The following SEZ6 variants were observed in gnomAD, a reference collection of about 807,000 sequenced individuals.
SEZ6 encodes the protein seizure related 6 homolog, also known as seizure protein 6 homolog.
SEZ6 carries 53 observed loss-of-function variants against 101.0 expected under a neutral mutation model. That is an observed-to-expected ratio of 0.52 (90% CI 0.42 to 0.66). The LOEUF (loss-of-function observed/expected upper bound fraction) is 0.66. Among genes scored for constraint, SEZ6 ranks in the 30% least tolerant of loss-of-function variants. The probability of loss-of-function intolerance (pLI) is 0.00; values close to 1 mark genes in which losing one functional copy is unlikely to be tolerated. For missense variants in SEZ6, 1,102 were observed against 1,289.4 expected, an observed-to-expected ratio of 0.85 and a Z score of 2.23; for synonymous variants, 488 against 512.2, an observed-to-expected ratio of 0.95 and a Z score of 0.64.
intron 3 of SEZ6, among the ~76,000 whole-genome samples, chr17:28,970,916 G>C (rs765474156): frequency 6.6e-6 from 1 of 152,190 alleles, no homozygotes; most frequent in Non-Finnish European, 1.5e-5. Context: ...CATGTCAATC[G>C]TGATTCTCTC....
intron 1 of SEZ6, among the ~76,000 whole-genome samples, chr17:28,991,274 G>A (rs1389107760): frequency 6.6e-6 from 1 of 152,068 alleles, no homozygotes; most frequent in Non-Finnish European, 1.5e-5. Flanking sequence ...GCACGATCTT[G>A]GCTCACTGCA....
chr17:29,005,147 GTC>G lies in SEZ6; in HGVS notation c.55+666_55+667del, dbSNP rs1419893281. 2.6e-5 allele frequency among the ~76,000 whole-genome samples: 4 copies of G among 151,652 alleles called. No individual in the cohort carries two copies. The highest frequency in any genetic ancestry group is 4.4e-5 in the Non-Finnish European group (3 of 67,910). ...AGGAAAGGACTTTGGGGAGGACAGAGTCTCTATCCCAGGATCTCCGCTGCTGC... is the reference window on the plus strand; with the variant it reads ...AGGAAAGGACTTTGGGGAGGACAGAGTCTATCCCAGGATCTCCGCTGCTGC... On this transcript the variant is annotated intron_variant, in intron 1 of 16. Transcript: ENST00000317338. This position sits in a 1 kb window ranked among gnomAD's most constrained non-coding sequence, Gnocchi z 4.8.
Position 28,959,413 on chromosome 17 carries a change from C to T in SEZ6, c.1831G>A (p.Glu611Lys). ...AGVVLSPNWP[E>K]PYGRGQDCIW... ...CAATCCTGCCCACGACCGTAGGGCT[C>T]TGGCCAGTTGGGAGAGAGTACCACG... The change falls in exon 9 of 17, where the codon GAG (glutamate) becomes AAG (lysine). Residue 611 changes from glutamate (E) to lysine (K), a missense_variant. Glu to Lys is a moderately conservative substitution (Grantham distance 56). Transcript: ENST00000317338. The surrounding 1 kb of genome is among the most constrained non-coding windows in gnomAD (Gnocchi z 4.4). 1.2e-6 allele frequency: 2 copies of T among 1,613,912 alleles called. No homozygotes were observed. Among genetic ancestry groups the T allele is most frequent in the Non-Finnish European group, 1.7e-6 (2 of 1,179,870 alleles).
chr17:28,983,158 T>A (rs531937239), intron 1 of SEZ6, among the ~76,000 whole-genome samples: 2 of 152,372 alleles, frequency 1.3e-5, no homozygotes, highest in African/African-American at 4.8e-5. Flanking sequence ...CTGTGTGCCC[T>A]CAGGCAAATA....
intron 1 of SEZ6, among the ~76,000 whole-genome samples, chr17:28,999,800 G>C (rs1331889135): frequency 6.6e-6 from 1 of 152,138 alleles, no homozygotes; most frequent in East Asian, 1.9e-4. Flanking sequence ...AGCCCTCAAA[G>C]GACTGAAGAG....
At chr17:28,989,333 A>G (rs1036896089) in intron 1 of SEZ6, among the ~76,000 whole-genome samples, 2 of 152,176 alleles carry the variant, frequency 1.3e-5, no homozygotes, top group African/African-American at 4.8e-5. Flanking sequence ...GCTTTATCAG[A>G]ATTAATCCCT....
At chr17:28,975,929 G>A (rs974619936) in intron 3 of SEZ6, among the ~76,000 whole-genome samples, 2 of 152,234 alleles carry the variant, frequency 1.3e-5, no homozygotes, top group African/African-American at 2.4e-5. Context: ...AGAGGCAGGC[G>A]CCAGGCCCGG....
At chr17:28,964,732 G>C (rs1188581633) in intron 4 of SEZ6, among the ~76,000 whole-genome samples, 1 of 152,226 alleles carries the variant, frequency 6.6e-6, no homozygotes, top group Non-Finnish European at 1.5e-5. Context: ...ATGCTAAAAA[G>C]CTTGATGCCA....
chr17:28,964,056 A>G lies in SEZ6; in HGVS notation c.1146T>C (p.His382=), dbSNP rs747420242. Reference sequence around the variant, plus strand: ...CCTTCAGCTGGTAGCCAGTGGCACAATGGAAGCGGGCACTACCCCCTGGGT... The same window carrying G: ...CCTTCAGCTGGTAGCCAGTGGCACAGTGGAAGCGGGCACTACCCCCTGGGT... ...SLHPGGSARF[H]CATGYQLKGA... The change falls in exon 5 of 17, where the codon CAT becomes CAC. Residue 382 remains histidine (H), a synonymous_variant. Coordinates refer to ENST00000317338, the MANE Select transcript of SEZ6 (RefSeq NM_178860.5). The G allele has an allele frequency of 5.6e-6, 9 of 1,610,302 alleles. No homozygotes were observed. Among genetic ancestry groups the G allele is most frequent in the East Asian group, 2.2e-5 (1 of 44,812 alleles).
rs557258125 is a variant in SEZ6, at chr17:28,959,337, C to T, written c.1907G>A (p.Arg636Gln). Residue 636 changes from arginine to glutamine, a missense_variant, in exon 9 of 17, where the codon CGA (arginine) becomes CAA (glutamine). This residue lies in a region of SEZ6 where 556 missense variants were observed against 735.1 expected (regional missense o/e 0.76). Coordinates refer to ENST00000317338, the MANE Select transcript of SEZ6 (RefSeq NM_178860.5). This position sits in a 1 kb window ranked among gnomAD's most constrained non-coding sequence, Gnocchi z 4.4. ...EEDKRIMLDIRVLRIGPGDVL... is the reference protein window; with the variant it reads ...EEDKRIMLDIQVLRIGPGDVL... ...GCCTGACCCGGTAGGCACTCACACT[C>T]GGATGTCCAGCATGATGCGCTTGTC... 31 of 1,613,702 alleles carry T rather than the reference C, an allele frequency of 1.9e-5. No homozygotes were observed. The highest frequency in any genetic ancestry group is 1.8e-4 in the East Asian group (8 of 44,888).
Position 28,981,441 on chromosome 17 carries a change from T to C in SEZ6, c.654A>G (p.Ser218=). Residue 218 remains serine, a synonymous_variant, in exon 2 of 17, where the codon TCA becomes TCG. Coordinates refer to ENST00000317338, the MANE Select transcript of SEZ6 (RefSeq NM_178860.5). ...TAGTGGTGGTCTCCTCATCATCTCCTGAAGCTGTGGAGGAGGTGATGGTCC... is the reference window on the plus strand; with the variant it reads ...TAGTGGTGGTCTCCTCATCATCTCCCGAAGCTGTGGAGGAGGTGATGGTCC... ...IQGTITSSTA[S]GDDEETTTTT... is the part of the protein sequence containing the mutation. The C allele has an allele frequency of 6.4e-7, 1 of 1,560,264 alleles. No homozygotes were observed. The highest frequency in any genetic ancestry group is 2.4e-5 in the East Asian group (1 of 41,602).
intron 1 of SEZ6, among the ~76,000 whole-genome samples, chr17:28,995,706 G>A (rs2041527686): frequency 6.6e-6 from 1 of 152,168 alleles, no homozygotes; most frequent in South Asian, 2.1e-4. Flanking sequence ...CCCTTGAACT[G>A]CCCTACCATA....
chr17:29,005,715 T>C lies in SEZ6; in HGVS notation c.55+100A>G. 1 of 1,250,632 alleles carries C rather than the reference T, an allele frequency of 8.0e-7. No individual in the cohort carries two copies. The highest frequency in any genetic ancestry group is 1.1e-6 in the Non-Finnish European group (1 of 941,264). 77.5% of individuals were successfully genotyped at this position (1,250,632 alleles called of 1,614,324 possible). The stretch of plus-strand genomic sequence containing the variant: ...AGCCGGCGGGGCGCGGTGCTTGGAC[T>C]GGGCAGCCAGATGCCCGAAGCTGGG... On this transcript the variant is annotated intron_variant, in intron 1 of 16. Coordinates refer to ENST00000317338, the MANE Select transcript of SEZ6 (RefSeq NM_178860.5). This position sits in a 1 kb window ranked among gnomAD's most constrained non-coding sequence, Gnocchi z 4.8.
intron 1 of SEZ6, among the ~76,000 whole-genome samples, chr17:28,994,821 A>T (rs1160829537): frequency 3.3e-5 from 5 of 151,574 alleles, no homozygotes. Flanking sequence ...GCAGGGGTAG[A>T]GGAGGAGGGG....
At chr17:28,977,025 C>T (rs553807420) in intron 3 of SEZ6, among the ~76,000 whole-genome samples, 79 of 152,224 alleles carry the variant, frequency 5.2e-4, no homozygotes, top group Non-Finnish European at 9.3e-4. Flanking sequence ...CAGTGCCCAG[C>T]GCAGAGCATG....
At chr17:28,986,106 C>T (rs961165351) in intron 1 of SEZ6, among the ~76,000 whole-genome samples, 9 of 152,260 alleles carry the variant, frequency 5.9e-5, no homozygotes, top group African/African-American at 9.6e-5. Context: ...GGCCCTCCCC[C>T]CGCATTAGCT....
Position 28,960,560 on chromosome 17 carries a change from A to C in SEZ6, c.1521T>G (p.Val507=). Residue 507 remains valine (V), a synonymous_variant, in exon 7 of 17, where the codon GTT becomes GTG. Coordinates refer to ENST00000317338, the MANE Select transcript of SEZ6 (RefSeq NM_178860.5). The part of the protein sequence containing the change: ...GLLSSGKHFF[V]ELSTDSSGAA... ...CCCCGCTGCTGTCAGTACTGAGCTC[A>C]ACAAAGAAGTGTTTGCCAGAGCTGA... 4 of 1,594,196 alleles carry C rather than the reference A, an allele frequency of 2.5e-6. No homozygotes were observed. The highest frequency in any genetic ancestry group is 3.4e-6 in the Non-Finnish European group (4 of 1,170,734).
intron 4 of SEZ6, among the ~76,000 whole-genome samples, chr17:28,965,317 G>A (rs1054762824): frequency 7.9e-5 from 12 of 152,088 alleles, no homozygotes; most frequent in East Asian, 7.7e-4. Flanking sequence ...GTGCCATTGC[G>A]CTCCAGCCTA....
intron 1 of SEZ6, among the ~76,000 whole-genome samples, chr17:28,989,793 T>C (rs1838309158): frequency 6.6e-6 from 1 of 152,070 alleles, no homozygotes; most frequent in African/African-American, 2.4e-5. Context: ...AGAGGCCAGG[T>C]GCGGTGGCTC....
Sources: gnomAD v4.1 joint callset for allele counts (sites outside exome capture counted in the v4.1 genomes callset) on GRCh38, gnomAD v4.1.1 for gene constraint, gnomAD v4.1.1 regional missense constraint, Gnocchi (gnomAD v3.1) non-coding constraint, MANE v1.5 for transcripts, NCBI Gene and HGNC (gene_info 2026-07-23, HGNC 2026-07-21) for gene names.